Variants in MBD5 observed in about 807,000 individuals in gnomAD.
MBD5 encodes methyl-CpG binding domain protein 5.
In MBD5, 13 loss-of-function variants were observed where a neutral mutation model predicts 117.3. The observed-to-expected ratio is 0.11, with a 90% CI of 0.07 to 0.18. MBD5 has a LOEUF of 0.18. MBD5 is among the 10% of genes least tolerant of loss of function. The pLI, the probability that MBD5 is intolerant of heterozygous loss-of-function variation, is 1.00. For missense variants in MBD5, 1,879 were observed against 2,093.8 expected (o/e 0.90, Z 2.00); for synonymous variants, 727 against 766.4 (o/e 0.95, Z 0.85).
chr2:148,433,913 G>T (rs1706071699), intron 4 of MBD5, among the ~76,000 whole-genome samples: 1 of 148,618 alleles, frequency 6.7e-6, no homozygotes, highest in Admixed American at 6.7e-5. Context: ...TGTTGTTGTT[G>T]TTTGTTTGTT....
intron 4 of MBD5, among the ~76,000 whole-genome samples, chr2:148,370,971 G>A (rs1344048929): frequency 6.6e-6 from 1 of 152,108 alleles, no homozygotes; most frequent in Non-Finnish European, 1.5e-5. Flanking sequence ...TTTGAAGCAG[G>A]ATTTTAATAT....
Position 148,179,080 on chromosome 2 carries a change from C to T in MBD5, c.-831+287C>T, listed in dbSNP as rs866120059. ...AATAAAAAAGTAACTTCTGGCCGGGCGCGGTGGCTCACGCCTGTAATCCCA... is the reference window on the plus strand; with the variant it reads ...AATAAAAAAGTAACTTCTGGCCGGGTGCGGTGGCTCACGCCTGTAATCCCA... On this transcript the variant is annotated intron_variant, in intron 2 of 13. Transcript: ENST00000642680. Among the ~76,000 whole-genome samples the T allele has an allele frequency of 6.6e-5, 10 of 152,238 alleles. No individual in the cohort carries two copies. In the South Asian group the frequency reaches 1.5e-3, roughly 22 times the overall value.
chr2:148,239,811 C>T (rs534711437), intron 3 of MBD5, among the ~76,000 whole-genome samples: 4 of 152,132 alleles, frequency 2.6e-5, no homozygotes, highest in African/African-American at 7.2e-5. Flanking sequence ...GATCCTCCCA[C>T]ATCAGCCTCC....
At chr2:148,086,507 C>G (rs1057426858) in intron 1 of MBD5, among the ~76,000 whole-genome samples, 1 of 152,066 alleles carries the variant, frequency 6.6e-6, no homozygotes, top group Non-Finnish European at 1.5e-5. Flanking sequence ...TGTTTTAATG[C>G]AAAATATTTT....
chr2:148,127,189 G>T (rs1027269091), intron 1 of MBD5, among the ~76,000 whole-genome samples: 1 of 151,914 alleles, frequency 6.6e-6, no homozygotes, highest in African/African-American at 2.4e-5. Flanking sequence ...GGATGGTCTC[G>T]ATCTCCTGAC....
chr2:148,265,360 A>G (rs982557704), intron 3 of MBD5, among the ~76,000 whole-genome samples: 1 of 152,210 alleles, frequency 6.6e-6, no homozygotes, highest in Non-Finnish European at 1.5e-5. Flanking sequence ...GTAGGATGAT[A>G]GTACATATTA....
intron 4 of MBD5, among the ~76,000 whole-genome samples, chr2:148,409,035 A>C (rs1388557119): frequency 6.6e-6 from 1 of 152,128 alleles, no homozygotes; most frequent in African/African-American, 2.4e-5. Context: ...TTCTGAAACC[A>C]GTCCCCTATA....
chr2:148,155,649 G>T (rs1186499792), intron 1 of MBD5, among the ~76,000 whole-genome samples: 1 of 152,074 alleles, frequency 6.6e-6, no homozygotes, highest in African/African-American at 2.4e-5. Context: ...CTGCTGCCAG[G>T]CTCACATGCC....
intron 1 of MBD5, among the ~76,000 whole-genome samples, chr2:148,074,835 A>G (rs1290188629): frequency 6.6e-6 from 1 of 152,088 alleles, no homozygotes; most frequent in East Asian, 1.9e-4. Context: ...TGTGGCAGTA[A>G]TGATTTGGAA....
chr2:148,327,858 G>A lies in MBD5; in HGVS notation c.-679-14356G>A, dbSNP rs183935202. Among the ~76,000 whole-genome samples, 870 of 152,250 alleles carry A rather than the reference G, an allele frequency of 5.7e-3. 7 individuals carry two copies. The highest frequency in any genetic ancestry group is 0.01 in the Middle Eastern group (3 of 294). ...CTCTCAGCTCGTCAAAGTCATCTCC[G>A]TCCAGCTTTGTTCTGTTGCTGGTGA... is the stretch of plus-strand genomic sequence containing the variant. On this transcript the variant is annotated intron_variant, in intron 3 of 13. Coordinates refer to ENST00000642680, the MANE Select transcript of MBD5 (RefSeq NM_001378120.1).
At chr2:148,180,081 AT>A (rs913440817) in intron 2 of MBD5, among the ~76,000 whole-genome samples, 7 of 151,206 alleles carry the variant, frequency 4.6e-5, no homozygotes, top group Middle Eastern at 6.8e-3. Flanking sequence ...TTTAGAGTCT[AT>A]TTTTTCTCCT....
chr2:148,155,543 T>C (rs1697852229), intron 1 of MBD5, among the ~76,000 whole-genome samples: 1 of 152,220 alleles, frequency 6.6e-6, no homozygotes, highest in Non-Finnish European at 1.5e-5. Context: ...CACATTTTAT[T>C]GATTCCAACT....
Position 148,237,078 on chromosome 2 carries a change from G to T in MBD5, c.-680+3683G>T, listed in dbSNP as rs533011484. 1.2e-4 allele frequency among the ~76,000 whole-genome samples: 18 copies of T among 152,298 alleles called. No homozygotes were observed. In the South Asian group the frequency reaches 3.7e-3, roughly 32 times the overall value. ...CTCTCTCAGCCTTCATAGAACTGAA[G>T]AGAGTTAGGGCCTTTCTCTGGATTC... On this transcript the variant is annotated intron_variant, in intron 3 of 13. Coordinates refer to ENST00000642680, the MANE Select transcript of MBD5 (RefSeq NM_001378120.1).
At chr2:148,100,680 G>A (rs1192792637) in intron 1 of MBD5, among the ~76,000 whole-genome samples, 1 of 152,194 alleles carries the variant, frequency 6.6e-6, no homozygotes, top group African/African-American at 2.4e-5. Flanking sequence ...TCTCCTCATA[G>A]GCTAGTTTAT....
intron 3 of MBD5, among the ~76,000 whole-genome samples, chr2:148,333,855 C>G (rs971894201): frequency 1.3e-5 from 2 of 151,112 alleles, no homozygotes; most frequent in African/African-American, 4.9e-5. Flanking sequence ...AAGACCCCAT[C>G]TCAAAAACAA....
At chr2:148,412,793 A>G (rs561064448) in intron 4 of MBD5, among the ~76,000 whole-genome samples, 1 of 152,092 alleles carries the variant, frequency 6.6e-6, no homozygotes, top group South Asian at 2.1e-4. Flanking sequence ...TGATTTTTGT[A>G]CATTGATTTT....
At position 148,479,284 on chromosome 2, in the gene MBD5, C is replaced by G. The variant is rs150600065; in HGVS notation, c.2519-3826C>G. Reference sequence around the variant, plus strand: ...CTGCACCCATCTCCTTTCCAATGTCCCTTATCTCCTGGCATTGGACTAATA... The same window carrying G: ...CTGCACCCATCTCCTTTCCAATGTCGCTTATCTCCTGGCATTGGACTAATA... On this transcript the variant is annotated intron_variant, in intron 8 of 13. Coordinates refer to ENST00000642680, the MANE Select transcript of MBD5 (RefSeq NM_001378120.1). 2.5e-3 allele frequency among the ~76,000 whole-genome samples: 375 copies of G among 152,264 alleles called. 1 individual carries two copies. The highest frequency in any genetic ancestry group is 8.2e-3 in the African/African-American group (341 of 41,554).
At position 148,510,115 on chromosome 2, in the gene MBD5, C is replaced by A. The variant is rs763196924; in HGVS notation, c.5092C>A (p.Leu1698Met). 1 of 1,611,338 alleles carries A rather than the reference C, an allele frequency of 6.2e-7. No homozygotes were observed. Among genetic ancestry groups the A allele is most frequent in the Non-Finnish European group, 8.5e-7 (1 of 1,177,638 alleles). The part of the protein sequence containing the change: ...EAAIHEAMSE[L>M]DKMSGTVHQI... ...TGCTATTCATGAGGCCATGAGTGAA[C>A]TGGACAAAATGTCTGGGACTGTAAG... The change falls in exon 13 of 14, where the codon CTG becomes ATG. Residue 1698 changes from leucine to methionine, a missense_variant. Coordinates refer to ENST00000642680, the MANE Select transcript of MBD5 (RefSeq NM_001378120.1).
intron 4 of MBD5, among the ~76,000 whole-genome samples, chr2:148,437,415 A>C (rs556438150): frequency 6.6e-6 from 1 of 152,312 alleles, no homozygotes; most frequent in African/African-American, 2.4e-5. Flanking sequence ...ATAATCCCAA[A>C]AGCCACAATC....
Sources: allele counts gnomAD v4.1 joint callset (sites outside exome capture counted in the v4.1 genomes callset), GRCh38; gene constraint gnomAD v4.1.1; transcripts MANE v1.5; gene names NCBI Gene and HGNC (gene_info 2026-07-23, HGNC 2026-07-21).